TTC8: variants seen among roughly 807,000 people sequenced by gnomAD.
TTC8 encodes tetratricopeptide repeat protein 8.
Under a neutral mutation model 72.5 loss-of-function variants are expected in TTC8, and 47 were observed. That is an observed-to-expected ratio of 0.65 (90% CI 0.51 to 0.83). The LOEUF is 0.83. Among genes scored for constraint, TTC8 ranks in the 40% least tolerant of loss-of-function variants. The pLI is 0.00. For synonymous variants in TTC8, 199 were observed against 221.4 expected (o/e 0.90, Z 0.90); for missense variants, 611 against 623.2 (o/e 0.98, Z 0.21).
chr14:88,861,403 T>C, intron 10 of TTC8, 71 bp downstream of exon 10: 1 of 1,129,944 alleles, frequency 8.8e-7, no homozygotes, highest in African/African-American at 1.6e-5. Flanking sequence ...GTACATGTGA[T>C]ATTTTAATTC....
intron 1 of TTC8, among the ~76,000 whole-genome samples, chr14:88,831,986 G>A (rs530073606): frequency 6.6e-6 from 1 of 152,228 alleles, no homozygotes; most frequent in Non-Finnish European, 1.5e-5. Context: ...CCTCTAGAAT[G>A]TTGTGGAATT....
At chr14:88,863,792 C>G (rs540014519) in intron 10 of TTC8, among the ~76,000 whole-genome samples, 45 of 152,320 alleles carry the variant, frequency 3.0e-4, no homozygotes, top group African/African-American at 1.1e-3. Context: ...TATTTGATTA[C>G]TTCTGGCAGA....
At chr14:88,853,329 G>A (rs542965150) in intron 8 of TTC8, among the ~76,000 whole-genome samples, 1 of 152,314 alleles carries the variant, frequency 6.6e-6, no homozygotes, top group East Asian at 1.9e-4. Flanking sequence ...GACAGTGGCT[G>A]TAATTTGCAT....
At chr14:88,873,532 C>T (rs973980663) in intron 13 of TTC8, among the ~76,000 whole-genome samples, 1 of 152,054 alleles carries the variant, frequency 6.6e-6, no homozygotes, top group Admixed American at 6.6e-5. Context: ...GTTATATTCC[C>T]AGCATCAGAA....
chr14:88,824,848 G>A, intron 1 of TTC8, 27 bp downstream of exon 1: 1 of 1,578,124 alleles, frequency 6.3e-7, no homozygotes, highest in Non-Finnish European at 8.7e-7. Flanking sequence ...GTCAGCCTGT[G>A]CATCCTGACG....
intron 10 of TTC8, 41 bp from the exon 11 acceptor site, chr14:88,870,018 A>G: frequency 6.2e-7 from 1 of 1,608,012 alleles, no homozygotes. Flanking sequence ...TTTTTGTCCA[A>G]TATTAATAAA....
chr14:88,849,568 TAAG>T (rs1251412527), intron 7 of TTC8, among the ~76,000 whole-genome samples: 1 of 152,172 alleles, frequency 6.6e-6, no homozygotes, highest in Non-Finnish European at 1.5e-5. Context: ...GTTTAAATAT[TAAG>T]AAAGTATAAA....
At chr14:88,843,942 A>G in intron 7 of TTC8, 92 bp downstream of exon 7, 1 of 933,534 alleles carries the variant, frequency 1.1e-6, no homozygotes, top group Middle Eastern at 3.1e-4. Context: ...GACCTTATAA[A>G]CAGATGAAAT....
At position 88,877,444 on chromosome 14, in the gene TTC8, A is replaced by G; in HGVS notation, c.*34A>G. 6.4e-7 allele frequency: 1 copy of G among 1,554,218 alleles called. No individual in the cohort carries two copies. The highest frequency in any genetic ancestry group is 8.9e-7 in the Non-Finnish European group (1 of 1,125,650). On this transcript the variant is annotated 3_prime_UTR_variant, in exon 15 of 15. Coordinates refer to ENST00000380656, the MANE Select transcript of TTC8 (RefSeq NM_144596.4). ...TAGACCACATATGTTCTTATGAAGC[A>G]GCATTATGCAAGGGGAAAAAAGCAC...
In TTC8 at chr14:88,843,791, C is replaced by A. The variant is rs756279546; in HGVS notation, c.580-15C>A. Reference sequence around the variant, plus strand: ...AAAAAAATCTAACGTATTTTTGACACTTTTTTCTTCACAGGCTTTGTTTGA... The same window carrying A: ...AAAAAAATCTAACGTATTTTTGACAATTTTTTCTTCACAGGCTTTGTTTGA... On this transcript the variant is annotated splice_polypyrimidine_tract_variant and intron_variant, in intron 6 of 14. Coordinates refer to ENST00000380656, the MANE Select transcript of TTC8 (RefSeq NM_144596.4). The A allele has an allele frequency of 3.2e-6, 5 of 1,582,786 alleles. No homozygotes were observed. Among genetic ancestry groups the A allele is most frequent in the Non-Finnish European group, 3.4e-6 (4 of 1,160,784 alleles).
chr14:88,824,938 T>A, intron 1 of TTC8, 117 bp downstream of exon 1: 1 of 1,013,594 alleles, frequency 9.9e-7, no homozygotes, highest in South Asian at 1.4e-5. Context: ...GGCTGACCGT[T>A]CGGCCCTCGG....
At chr14:88,866,321 G>C (rs1235344874) in intron 10 of TTC8, among the ~76,000 whole-genome samples, 1 of 151,748 alleles carries the variant, frequency 6.6e-6, no homozygotes, top group Admixed American at 6.6e-5. Flanking sequence ...ACAGACAAAA[G>C]ACTGCTTTTG....
At chr14:88,862,695 G>A (rs1163131524) in intron 10 of TTC8, among the ~76,000 whole-genome samples, 6 of 145,536 alleles carry the variant, frequency 4.1e-5, no homozygotes, top group African/African-American at 1.3e-4. Context: ...GTGATCCTAC[G>A]TCAGCCTCCT....
chr14:88,866,910 A>T (rs1224086911), intron 10 of TTC8, among the ~76,000 whole-genome samples: 1 of 152,246 alleles, frequency 6.6e-6, no homozygotes, highest in Non-Finnish European at 1.5e-5. Flanking sequence ...GACAAAAAAT[A>T]TGAATTGGCA....
chr14:88,877,294 A>G lies in TTC8; in HGVS notation c.1432A>G (p.Ile478Val). 1 of 1,612,376 alleles carries G rather than the reference A, an allele frequency of 6.2e-7. No individual in the cohort carries two copies. Among genetic ancestry groups the G allele is most frequent in the East Asian group, 2.2e-5 (1 of 44,764 alleles). Reference sequence around the variant, plus strand: ...GGTCTTATTCTTGTATTTTTTGCAGATTGGAGATCTGCAGAGAAGCTATGT... The same window carrying G: ...GGTCTTATTCTTGTATTTTTTGCAGGTTGGAGATCTGCAGAGAAGCTATGT... ...HFNFATISDK[I>V]GDLQRSYVAA... Residue 478 changes from isoleucine to valine, a missense_variant and splice_region_variant, in exon 15 of 15, where the codon ATT becomes GTT. Physicochemically the swap from Ile to Val is conservative, Grantham distance 29. Transcript: ENST00000380656.
intron 6 of TTC8, among the ~76,000 whole-genome samples, chr14:88,843,244 T>C (rs1489143263): frequency 6.6e-6 from 1 of 152,208 alleles, no homozygotes; most frequent in Non-Finnish European, 1.5e-5. Flanking sequence ...TCTGATTTAA[T>C]TTAAGTGGTC....
At chr14:88,841,252 C>A in intron 5 of TTC8, 56 bp downstream of exon 5, 4 of 1,607,586 alleles carry the variant, frequency 2.5e-6, no homozygotes, top group Non-Finnish European at 3.4e-6. Context: ...ACCAAAGTAG[C>A]TTTATATTAT....
chr14:88,824,454 T>G (rs2094688770), upstream of TTC8: 3 of 510,208 alleles, frequency 5.9e-6, no homozygotes, highest in Admixed American at 6.9e-5. Flanking sequence ...CCGCGGTGCC[T>G]TCTTTTCAAA....
chr14:88,857,983 A>C (rs547239460), intron 9 of TTC8, among the ~76,000 whole-genome samples: 1 of 145,630 alleles, frequency 6.9e-6, no homozygotes, highest in Non-Finnish European at 1.5e-5. Context: ...TTTTTTTGAG[A>C]TGGAGTCTTG....
Sources: allele counts gnomAD v4.1 joint callset (sites outside exome capture counted in the v4.1 genomes callset), GRCh38; gene constraint gnomAD v4.1.1; transcripts MANE v1.5; gene names NCBI Gene and HGNC (gene_info 2026-07-23, HGNC 2026-07-21).